RXFP1: variants seen among roughly 807,000 people sequenced by gnomAD.
RXFP1 encodes relaxin receptor 1.
Under a neutral mutation model 89.8 loss-of-function variants are expected in RXFP1, and 73 were observed. The observed-to-expected ratio is 0.81, with a 90% CI of 0.67 to 0.99. The LOEUF is 0.99. RXFP1 is among the 50% of genes least tolerant of loss of function. The probability of loss-of-function intolerance (pLI) is 0.00; values close to 1 mark genes in which losing one functional copy is unlikely to be tolerated. For synonymous variants in RXFP1, 277 were observed against 305.5 expected (o/e 0.91, Z 0.97); for missense variants, 793 against 895.5 (o/e 0.89, Z 1.46).
At chr4:158,578,979 G>A (rs550401064) in intron 2 of RXFP1, among the ~76,000 whole-genome samples, 1 of 146,716 alleles carries the variant, frequency 6.8e-6, no homozygotes, top group Non-Finnish European at 1.5e-5. Context: ...ATATAATGCA[G>A]GTAAAGAGTG....
At chr4:158,574,961 G>C (rs1246149558) in intron 2 of RXFP1, among the ~76,000 whole-genome samples, 1 of 152,074 alleles carries the variant, frequency 6.6e-6, no homozygotes, top group Non-Finnish European at 1.5e-5. Context: ...ACAGTGTTTT[G>C]CCCACTGCTA....
At chr4:158,628,611 A>G in intron 10 of RXFP1, 27 bp from the exon 11 acceptor site, 2 of 1,147,972 alleles carry the variant, frequency 1.7e-6, no homozygotes, top group Admixed American at 1.8e-5. Flanking sequence ...TAAAGAAGTT[A>G]CAATGTATTT....
rs1272493965 is a variant in RXFP1, at chr4:158,605,149, T to C, written c.464+10T>C. ...ATGATCTTCAGAAGCTGTAAGAAAA[T>C]ACTTAATTCCTGGTATTACAATTAA... On this transcript the variant is annotated intron_variant, in intron 5 of 17. Coordinates refer to ENST00000307765, the MANE Select transcript of RXFP1 (RefSeq NM_021634.4). The C allele has an allele frequency of 7.8e-6, 12 of 1,540,562 alleles. No homozygotes were observed. In the Middle Eastern group the frequency reaches 8.5e-4, roughly 109 times the overall value.
chr4:158,523,841 T>C (rs146422682), intron 1 of RXFP1, among the ~76,000 whole-genome samples: 137 of 152,314 alleles, frequency 9.0e-4, no homozygotes, highest in African/African-American at 3.2e-3. Context: ...CAGCCACACA[T>C]AAGGACAAAT....
chr4:158,645,308 TA>T (rs1220913905), intron 15 of RXFP1, among the ~76,000 whole-genome samples, 170 bp downstream of exon 15: 2 of 152,326 alleles, frequency 1.3e-5, no homozygotes, highest in South Asian at 2.1e-4. Context: ...ACTTTAGCAA[TA>T]AAAAAATATG....
At chr4:158,522,446 G>A (rs1374864183) in intron 1 of RXFP1, among the ~76,000 whole-genome samples, 1 of 152,110 alleles carries the variant, frequency 6.6e-6, no homozygotes, top group African/African-American at 2.4e-5. Context: ...TGCTATCATA[G>A]GTGTGCTTCT....
chr4:158,574,535 A>G (rs1268290427), intron 2 of RXFP1, among the ~76,000 whole-genome samples: 2 of 152,214 alleles, frequency 1.3e-5, no homozygotes, highest in African/African-American at 4.8e-5. Context: ...TATAAGGTAA[A>G]TCACTTTTAA....
rs1310650031 is a variant in RXFP1 at position 158,646,828 on chromosome 4, C to T, written c.1383C>T (p.Ile461=). ...TAATGGGAATATATTTATTCGTGAT[C>T]GGAGGCTTTGACCTAAAGTTTCGTG... The part of the protein sequence containing the change: ...DCLMGIYLFV[I]GGFDLKFRGE... Residue 461 remains isoleucine (I), a synonymous_variant, in exon 16 of 18, where the codon ATC becomes ATT. Transcript: ENST00000307765. 7.4e-6 allele frequency: 12 copies of T among 1,613,552 alleles called. No homozygotes were observed. The highest frequency in any genetic ancestry group is 2.7e-5 in the African/African-American group (2 of 74,994).
chr4:158,619,927 G>A (rs941585881), intron 9 of RXFP1, among the ~76,000 whole-genome samples: 4 of 152,122 alleles, frequency 2.6e-5, no homozygotes, highest in Non-Finnish European at 5.9e-5. Context: ...TTGGCTTCTG[G>A]AGAAGGGGGA....
intron 1 of RXFP1, among the ~76,000 whole-genome samples, chr4:158,541,750 C>A (rs545279243): frequency 7.2e-5 from 11 of 152,168 alleles, no homozygotes; most frequent in African/African-American, 2.6e-4. Flanking sequence ...TTCGCAAGCA[C>A]TTGAGCATGT....
At chr4:158,605,398 TC>T (rs991495418) in intron 5 of RXFP1, among the ~76,000 whole-genome samples, 1 of 152,008 alleles carries the variant, frequency 6.6e-6, no homozygotes, top group Non-Finnish European at 1.5e-5. Flanking sequence ...CCTACCACAA[TC>T]CCCCAAAACG....
intron 2 of RXFP1, among the ~76,000 whole-genome samples, chr4:158,581,611 G>C (rs1324805621): frequency 1.3e-5 from 2 of 152,158 alleles, no homozygotes; most frequent in Admixed American, 1.3e-4. Flanking sequence ...ATAATGAGTA[G>C]TATTTTTATA....
intron 6 of RXFP1, among the ~76,000 whole-genome samples, chr4:158,609,525 C>T (rs1763164815): frequency 6.6e-6 from 1 of 152,160 alleles, no homozygotes; most frequent in South Asian, 2.1e-4. Flanking sequence ...CCTGTATTTC[C>T]ATTTATGTCC....
At chr4:158,579,490 T>A (rs1322347569) in intron 2 of RXFP1, among the ~76,000 whole-genome samples, 1 of 152,154 alleles carries the variant, frequency 6.6e-6, no homozygotes, top group Non-Finnish European at 1.5e-5. Flanking sequence ...GGTCTCGATC[T>A]CTTGACCTCG....
At position 158,540,355 on chromosome 4, in the gene RXFP1, G is replaced by A. The variant is rs112099634; in HGVS notation, c.49+18330G>A. The stretch of plus-strand genomic sequence containing the variant: ...TTCTTCCCCTTTTGGGACCATATAG[G>A]GTAACTGACATTGCCATGGCGCCTG... On this transcript the variant is annotated intron_variant, in intron 1 of 17. Coordinates refer to ENST00000307765, the MANE Select transcript of RXFP1 (RefSeq NM_021634.4). Among the ~76,000 whole-genome samples the A allele has an allele frequency of 3.9e-3, 587 of 152,106 alleles. 3 individuals are homozygous for A. Among genetic ancestry groups the A allele is most frequent in the African/African-American group, 0.013 (554 of 41,502 alleles).
chr4:158,554,934 G>T (rs1292561660), intron 1 of RXFP1, among the ~76,000 whole-genome samples: 2 of 152,034 alleles, frequency 1.3e-5, no homozygotes, highest in African/African-American at 4.8e-5. Context: ...ATAATATCAT[G>T]TTGTAAAGCT....
At chr4:158,619,033 A>G (rs984519809) in intron 9 of RXFP1, among the ~76,000 whole-genome samples, 2 of 152,172 alleles carry the variant, frequency 1.3e-5, no homozygotes, top group African/African-American at 4.8e-5. Flanking sequence ...ATGGGAATAC[A>G]TAATAGTGCA....
chr4:158,523,205 A>G (rs1741615556), intron 1 of RXFP1, among the ~76,000 whole-genome samples: 1 of 152,206 alleles, frequency 6.6e-6, no homozygotes, highest in Non-Finnish European at 1.5e-5. Flanking sequence ...TTATAATTGC[A>G]TGTTTAAACT....
chr4:158,579,408 C>G (rs949886300), intron 2 of RXFP1, among the ~76,000 whole-genome samples: 2 of 152,180 alleles, frequency 1.3e-5, no homozygotes, highest in Non-Finnish European at 2.9e-5. Flanking sequence ...ACAGGAACTA[C>G]AGGCGCATGC....
Sources: allele counts gnomAD v4.1 joint callset (sites outside exome capture counted in the v4.1 genomes callset), GRCh38; gene constraint gnomAD v4.1.1; transcripts MANE v1.5; gene names NCBI Gene and HGNC (gene_info 2026-07-23, HGNC 2026-07-21).